The following FGF14 variants were observed in gnomAD, a reference collection of about 807,000 sequenced individuals.
FGF14 encodes fibroblast growth factor homologous factor 4.
FGF14 carries 5 observed loss-of-function variants against 25.5 expected under a neutral mutation model. That is an observed-to-expected ratio of 0.20 (90% CI 0.10 to 0.41). The LOEUF (loss-of-function observed/expected upper bound fraction) is 0.41, where lower values mean the gene tolerates loss of function less well. Ranked by LOEUF, FGF14 falls within the 10% of genes least tolerant of loss-of-function variation. FGF14 has a pLI of 1.00. For missense variants in FGF14, 222 were observed against 320.1 expected (o/e 0.69, Z 2.34); for synonymous variants, 138 against 118.3 (o/e 1.17, Z -1.08).
chr13:101,829,463 TA>T (rs2042564549), intron 3 of FGF14, among the ~76,000 whole-genome samples: 1 of 152,098 alleles, frequency 6.6e-6, no homozygotes, highest in South Asian at 2.1e-4. Flanking sequence ...AGTAGTGAAT[TA>T]TACTGCTTTT....
intron 1 of FGF14, among the ~76,000 whole-genome samples, chr13:102,112,260 C>T (rs185682997): frequency 8.7e-4 from 133 of 152,256 alleles, no homozygotes; most frequent in African/African-American, 3.0e-3. Flanking sequence ...ATCTCATAAG[C>T]TCAGGCTGGT....
chr13:101,909,378 C>T (rs564245339), intron 1 of FGF14, among the ~76,000 whole-genome samples: 55 of 152,274 alleles, frequency 3.6e-4, no homozygotes, highest in African/African-American at 1.2e-3. Flanking sequence ...CTACAATGAA[C>T]TCAGACAAAT....
intron 1 of FGF14, among the ~76,000 whole-genome samples, chr13:101,995,491 T>C (rs1318111249): frequency 6.6e-6 from 1 of 152,174 alleles, no homozygotes; most frequent in Non-Finnish European, 1.5e-5. Context: ...ACATACACTA[T>C]TTCAACTTCT....
intron 1 of FGF14, among the ~76,000 whole-genome samples, chr13:101,957,412 G>A (rs2036578325): frequency 6.6e-6 from 1 of 152,174 alleles, no homozygotes. Flanking sequence ...AGGAGAAACT[G>A]AACCAGAGCT....
chr13:102,056,817 A>G (rs1388644454), intron 1 of FGF14, among the ~76,000 whole-genome samples: 1 of 149,342 alleles, frequency 6.7e-6, no homozygotes, highest in East Asian at 1.9e-4. Flanking sequence ...ATATATATTT[A>G]TATAAAATAT....
chr13:102,192,583 A>G (rs1292130739), intron 1 of FGF14, among the ~76,000 whole-genome samples: 1 of 152,188 alleles, frequency 6.6e-6, no homozygotes, highest in Non-Finnish European at 1.5e-5. Flanking sequence ...GGAGGAACCA[A>G]GCCACTCCTT....
chr13:102,348,609 T>C (rs1446892985), intron 1 of FGF14, among the ~76,000 whole-genome samples: 1 of 152,058 alleles, frequency 6.6e-6, no homozygotes, highest in East Asian at 1.9e-4. Context: ...GCAGCAAAGG[T>C]GGTTATTCCA....
At chr13:101,879,891 T>C (rs2045604848) in intron 1 of FGF14, among the ~76,000 whole-genome samples, 1 of 152,182 alleles carries the variant, frequency 6.6e-6, no homozygotes, top group African/African-American at 2.4e-5. Context: ...CTTAAAGATA[T>C]ATATTATCAT....
chr13:101,949,160 G>A (rs2035999741), intron 1 of FGF14, among the ~76,000 whole-genome samples: 1 of 152,152 alleles, frequency 6.6e-6, no homozygotes, highest in Non-Finnish European at 1.5e-5. Context: ...ATGTGCCTCG[G>A]TTTTCTCTCT....
intron 1 of FGF14, among the ~76,000 whole-genome samples, chr13:102,101,825 T>C (rs931566886): frequency 6.6e-6 from 1 of 152,078 alleles, no homozygotes; most frequent in African/African-American, 2.4e-5. Context: ...CTGCCTCAGC[T>C]TCCTGAGTAG....
intron 1 of FGF14, among the ~76,000 whole-genome samples, chr13:102,126,981 T>C (rs1013352244): frequency 6.6e-6 from 1 of 152,182 alleles, no homozygotes; most frequent in Non-Finnish European, 1.5e-5. Flanking sequence ...ACAATTTGCT[T>C]TGAGGTAACA....
At chr13:101,769,974 C>T (rs2038656681) in intron 3 of FGF14, among the ~76,000 whole-genome samples, 2 of 152,022 alleles carry the variant, frequency 1.3e-5, no homozygotes, top group Non-Finnish European at 1.5e-5. Flanking sequence ...GCTAATGATG[C>T]ATCATGTAGG....
intron 1 of FGF14, among the ~76,000 whole-genome samples, chr13:102,147,524 G>A (rs969465151): frequency 6.6e-6 from 1 of 152,178 alleles, no homozygotes; most frequent in African/African-American, 2.4e-5. Flanking sequence ...TCATTGTCAT[G>A]TGTTAAATAT....
chr13:102,340,732 T>C (rs966643878), intron 1 of FGF14, among the ~76,000 whole-genome samples: 7 of 152,202 alleles, frequency 4.6e-5, no homozygotes, highest in African/African-American at 1.7e-4. Flanking sequence ...TGCAAAGGGC[T>C]TCTTATTACA....
intron 3 of FGF14, among the ~76,000 whole-genome samples, chr13:101,748,869 T>C (rs553828141): frequency 1.3e-5 from 2 of 151,806 alleles, no homozygotes; most frequent in East Asian, 3.9e-4. Flanking sequence ...ACATCCATGT[T>C]TACAACAGCA....
At chr13:101,869,854 T>C (rs767971956) in intron 2 of FGF14, among the ~76,000 whole-genome samples, 1 of 152,216 alleles carries the variant, frequency 6.6e-6, no homozygotes, top group African/African-American at 2.4e-5. Flanking sequence ...GTCTAAGTAG[T>C]ACATAATTAA....
Position 102,260,537 on chromosome 13 carries a change from C to A in FGF14, c.208+140934G>T, listed in dbSNP as rs117971545. ...TGTTTTGATTTCCTCTGCAAACCTG[C>A]AGCTGCTTCTCTTCTCCAATTCACT... is the stretch of plus-strand genomic sequence containing the variant. On this transcript the variant is annotated intron_variant, in intron 1 of 4. Transcript: ENST00000376131. 9.4e-3 allele frequency among the ~76,000 whole-genome samples: 1,427 copies of A among 152,362 alleles called. 21 individuals carry two copies. The highest frequency in any genetic ancestry group is 0.011 in the Non-Finnish European group (741 of 68,038).
intron 1 of FGF14, among the ~76,000 whole-genome samples, chr13:102,331,586 G>A (rs888451104): frequency 6.6e-6 from 1 of 152,078 alleles, no homozygotes; most frequent in African/African-American, 2.4e-5. Flanking sequence ...CTCTTCCTTT[G>A]AACAATGCAT....
chr13:102,364,149 TTTTTAA>T (rs2057644123), intron 1 of FGF14, among the ~76,000 whole-genome samples: 1 of 152,254 alleles, frequency 6.6e-6, no homozygotes, highest in Non-Finnish European at 1.5e-5. Context: ...TACACTAAAC[TTTTTAA>T]GTCAATTTCA....
Sources: gnomAD v4.1 joint callset for allele counts (sites outside exome capture counted in the v4.1 genomes callset) on GRCh38, gnomAD v4.1.1 for gene constraint, MANE v1.5 for transcripts, NCBI Gene and HGNC (gene_info 2026-07-23, HGNC 2026-07-21) for gene names.